PGPEP1: variants seen among roughly 807,000 people sequenced by gnomAD.
PGPEP1 encodes pyroglutamyl-peptidase 1.
A neutral mutation model predicts 24.1 loss-of-function variants in PGPEP1; 15 were observed. That is an observed-to-expected ratio of 0.62 (90% CI 0.42 to 0.96). The LOEUF (loss-of-function observed/expected upper bound fraction) is 0.96, where lower values mean the gene tolerates loss of function less well. Ranked by LOEUF, PGPEP1 falls within the 40% of genes least tolerant of loss-of-function variation. PGPEP1 has a pLI of 0.00. For missense variants in PGPEP1, 242 were observed against 273.4 expected (o/e 0.89, Z 0.81); for synonymous variants, 122 against 116.4 (o/e 1.05, Z -0.31).
At chr19:18,360,789 T>C (rs916403851) in intron 4 of PGPEP1, among the ~76,000 whole-genome samples, 2 of 151,864 alleles carry the variant, frequency 1.3e-5, no homozygotes, top group Non-Finnish European at 2.9e-5. Flanking sequence ...CCTCCCAAAG[T>C]GCTGGGATTA....
chr19:18,354,429 A>C (rs558859731), intron 2 of PGPEP1, among the ~76,000 whole-genome samples: 52 of 152,228 alleles, frequency 3.4e-4, no homozygotes, highest in African/African-American at 1.0e-3. Context: ...CGGGAGGCGG[A>C]GCTTGCAGTG....
chr19:18,348,460 C>CCGT (rs1293270916), intron 2 of PGPEP1, among the ~76,000 whole-genome samples: 1 of 151,928 alleles, frequency 6.6e-6, no homozygotes, highest in Admixed American at 6.5e-5. Flanking sequence ...TGCCCGAGCC[C>CCGT]CGTCCTTTCA....
chr19:18,358,521 AAGTGCTGGGATTACAGGCATG>A (rs911671023), intron 4 of PGPEP1, among the ~76,000 whole-genome samples: 34 of 151,524 alleles, frequency 2.2e-4, no homozygotes, highest in Admixed American at 2.0e-4. Context: ...CTGCCTCCCA[AAGTGCTGGGATTACAGGCATG>A]AGCCACTGCG....
intron 2 of PGPEP1, among the ~76,000 whole-genome samples, chr19:18,345,709 G>A (rs1309657377): frequency 7.6e-6 from 1 of 132,220 alleles, no homozygotes. Flanking sequence ...CCAGGTGACA[G>A]AGCTAGACCC....
intron 4 of PGPEP1, among the ~76,000 whole-genome samples, chr19:18,363,030 T>G (rs920926034): frequency 1.5e-5 from 2 of 131,374 alleles, no homozygotes; most frequent in Non-Finnish European, 3.2e-5. Context: ...AAGTTTTTTT[T>G]GTTTGTGTGT....
At chr19:18,354,193 G>A (rs2144557945) in intron 2 of PGPEP1, among the ~76,000 whole-genome samples, 1 of 152,084 alleles carries the variant, frequency 6.6e-6, no homozygotes. Flanking sequence ...CGAGATCATA[G>A]CACTGCGCTC....
chr19:18,341,931 G>A (rs1350000333), intron 1 of PGPEP1, among the ~76,000 whole-genome samples: 2 of 151,272 alleles, frequency 1.3e-5, no homozygotes, highest in African/African-American at 2.4e-5. Context: ...TTTTGAGACG[G>A]AGTTTTGCTC....
chr19:18,356,482 C>CA (rs1186245436), intron 3 of PGPEP1, among the ~76,000 whole-genome samples: 1 of 151,512 alleles, frequency 6.6e-6, no homozygotes, highest in African/African-American at 2.4e-5. Context: ...GGTAGTGGCT[C>CA]ATGCCTGTAA....
rs761978109 is a variant in PGPEP1, at chr19:18,357,487, C to T, written c.309C>T (p.Pro103=). Reference sequence around the variant, plus strand: ...GGCTGGACAACTGCCGCTTTTGCCCCGGCTCCCAGTGCTGCGTGGAGGACG... The same window carrying T: ...GGCTGGACAACTGCCGCTTTTGCCCTGGCTCCCAGTGCTGCGTGGAGGACG... ...YKGLDNCRFC[P]GSQCCVEDGP... is the part of the protein sequence containing the mutation. The change falls in exon 4 of 5, where the codon CCC becomes CCT. Residue 103 remains proline (P), a synonymous_variant. Coordinates refer to ENST00000269919, the MANE Select transcript of PGPEP1 (RefSeq NM_017712.4). 3.0e-5 allele frequency: 48 copies of T among 1,613,484 alleles called. No homozygotes were observed. The highest frequency in any genetic ancestry group is 3.3e-4 in the Middle Eastern group (2 of 6,084).
chr19:18,361,345 G>T (rs1971344087), intron 4 of PGPEP1, among the ~76,000 whole-genome samples: 2 of 151,714 alleles, frequency 1.3e-5, no homozygotes, highest in African/African-American at 4.8e-5. Context: ...CAGCATGTTG[G>T]CCAGGCTGGT....
intron 2 of PGPEP1, among the ~76,000 whole-genome samples, chr19:18,345,153 C>T (rs906238635): frequency 1.3e-5 from 2 of 152,038 alleles, no homozygotes; most frequent in Non-Finnish European, 2.9e-5. Context: ...AGCTGCGCAC[C>T]ACCAGGCCCG....
chr19:18,358,253 C>CTTTTTTTTTTTTTT (rs58979840), intron 4 of PGPEP1, among the ~76,000 whole-genome samples: 1 of 64,482 alleles, frequency 1.6e-5, no homozygotes, highest in Non-Finnish European at 2.8e-5. Flanking sequence ...TCCAGTATGA[C>CTTTTTTTTTTTTTT]TTTTTTTTTT....
intron 1 of PGPEP1, among the ~76,000 whole-genome samples, chr19:18,341,591 C>T (rs1447591909): frequency 6.6e-6 from 1 of 152,182 alleles, no homozygotes; most frequent in East Asian, 1.9e-4. Flanking sequence ...AAACAAGGCA[C>T]CTGCTTAACA....
At chr19:18,360,729 T>G (rs949526846) in intron 4 of PGPEP1, among the ~76,000 whole-genome samples, 1 of 151,822 alleles carries the variant, frequency 6.6e-6, no homozygotes, top group Non-Finnish European at 1.5e-5. Context: ...TTTATCATGT[T>G]GGCCAGGCTG....
rs1439854551 is a variant in PGPEP1 at position 18,355,999 on chromosome 19, G to A, written c.192G>A (p.Lys64=). Residue 64 remains lysine (K), a synonymous_variant, in exon 3 of 5, where the codon AAG becomes AAA. Transcript: ENST00000269919. ...GACTCATCCCCGCCCTGTGGGAGAAGCACAGTCCACAGGTGAGTGGTGCCA... is the reference window on the plus strand; with the variant it reads ...GACTCATCCCCGCCCTGTGGGAGAAACACAGTCCACAGGTGAGTGGTGCCA... The part of the protein sequence containing the change: ...VQRLIPALWE[K]HSPQLVVHVG... The A allele has an allele frequency of 1.2e-6, 2 of 1,605,900 alleles. No individual in the cohort carries two copies. Among genetic ancestry groups the A allele is most frequent in the Admixed American group, 1.7e-5 (1 of 59,918 alleles).
chr19:18,367,760 G>C lies in PGPEP1; in HGVS notation c.*4177G>C, dbSNP rs576268703. The C allele has an allele frequency of 6.6e-6, 1 of 152,536 alleles. No individual in the cohort carries two copies. The highest frequency in any genetic ancestry group is 2.4e-5 in the African/African-American group (1 of 41,534). 9.4% of individuals were successfully genotyped at this position (152,536 alleles called of 1,614,324 possible). ...AGGCAGGGCTGGGCAGGGACAGGGGGTGGGGGCCGAAATCACAGCTTCCCC... is the reference window on the plus strand; with the variant it reads ...AGGCAGGGCTGGGCAGGGACAGGGGCTGGGGGCCGAAATCACAGCTTCCCC... On this transcript the variant is annotated 3_prime_UTR_variant, in exon 5 of 5. Coordinates refer to ENST00000269919, the MANE Select transcript of PGPEP1 (RefSeq NM_017712.4).
intron 4 of PGPEP1, among the ~76,000 whole-genome samples, chr19:18,359,657 G>A (rs903978052): frequency 4.6e-5 from 7 of 151,828 alleles, no homozygotes; most frequent in Non-Finnish European, 7.4e-5. Context: ...ACAGGCGTGC[G>A]CCATCATTCC....
chr19:18,363,258 A>T (rs1453114204), intron 4 of PGPEP1, 133 bp from the exon 5 acceptor site: 2 of 611,912 alleles, frequency 3.3e-6, no homozygotes, highest in Non-Finnish European at 5.6e-6. Flanking sequence ...GAGGGAGGAG[A>T]GTGTTGTTCC....
chr19:18,340,751 C>A, intron 1 of PGPEP1, 36 bp downstream of exon 1: 1 of 1,424,250 alleles, frequency 7.0e-7, no homozygotes, highest in South Asian at 1.5e-5. Context: ...CGGCAGCGGC[C>A]GGGGGCAGAG....
Sources: gnomAD v4.1 joint callset for allele counts (sites outside exome capture counted in the v4.1 genomes callset) on GRCh38, gnomAD v4.1.1 for gene constraint, MANE v1.5 for transcripts, NCBI Gene and HGNC (gene_info 2026-07-23, HGNC 2026-07-21) for gene names.